Variants in PIP4K2A observed in about 807,000 individuals in gnomAD.
PIP4K2A encodes the protein phosphatidylinositol 5-phosphate 4-kinase type-2 alpha.
Under a neutral mutation model 42.9 loss-of-function variants are expected in PIP4K2A, and 14 were observed. That is an observed-to-expected ratio of 0.33 (90% CI 0.22 to 0.51). The LOEUF (loss-of-function observed/expected upper bound fraction) is 0.51, where lower values mean the gene tolerates loss of function less well. Ranked by LOEUF, PIP4K2A falls within the 20% of genes least tolerant of loss-of-function variation. The pLI, the probability that PIP4K2A is intolerant of heterozygous loss-of-function variation, is 0.97. For missense variants in PIP4K2A, 434 were observed against 519.8 expected (o/e 0.83, Z 1.61); for synonymous variants, 192 against 192.2 (o/e 1.00, Z 0.01).
intron 3 of PIP4K2A, among the ~76,000 whole-genome samples, chr10:22,595,632 C>T (rs1285687535): frequency 6.6e-6 from 1 of 152,052 alleles, no homozygotes; most frequent in Non-Finnish European, 1.5e-5. Context: ...TGGTGCATGC[C>T]TGTAATTCCA....
intron 4 of PIP4K2A, among the ~76,000 whole-genome samples, chr10:22,584,776 C>T (rs773069796): frequency 1.2e-4 from 18 of 152,338 alleles, no homozygotes; most frequent in Admixed American, 5.2e-4. Context: ...AGAGGGTCTA[C>T]TGGGAGCTTG....
chr10:22,575,856 T>C (rs1030402877), intron 4 of PIP4K2A, among the ~76,000 whole-genome samples: 3 of 151,562 alleles, frequency 2.0e-5, no homozygotes, highest in African/African-American at 7.3e-5. Flanking sequence ...AAGAACTACT[T>C]GAACCCAGGA....
chr10:22,643,067 C>T (rs908328723), intron 1 of PIP4K2A, among the ~76,000 whole-genome samples: 1 of 152,098 alleles, frequency 6.6e-6, no homozygotes, highest in East Asian at 1.9e-4. Context: ...GTGGAAACAC[C>T]TAGTTCTCCC....
chr10:22,548,011 C>T (rs1382254744), intron 7 of PIP4K2A, among the ~76,000 whole-genome samples: 2 of 152,156 alleles, frequency 1.3e-5, no homozygotes, highest in African/African-American at 4.8e-5. Flanking sequence ...TAAGGAAAAA[C>T]AGCAACAACA....
chr10:22,686,036 T>C lies in PIP4K2A; in HGVS notation c.144+28147A>G, dbSNP rs571579502. ...CTTAAGTGAGGCAGGGATCGAGTAATACTGGGCGTGTCAAGATTGCTGCAA... is the reference window on the plus strand; with the variant it reads ...CTTAAGTGAGGCAGGGATCGAGTAACACTGGGCGTGTCAAGATTGCTGCAA... On this transcript the variant is annotated intron_variant, in intron 1 of 9. Transcript: ENST00000376573. Among the ~76,000 whole-genome samples, 8 of 152,316 alleles carry C rather than the reference T, an allele frequency of 5.3e-5. No homozygotes were observed. The South Asian group carries it at 8.3e-4, about 16-fold the overall frequency.
intron 1 of PIP4K2A, among the ~76,000 whole-genome samples, chr10:22,683,584 G>A (rs928948460): frequency 2.6e-5 from 4 of 152,140 alleles, no homozygotes; most frequent in South Asian, 2.1e-4. Flanking sequence ...GTCAACTGTC[G>A]AAAACAAGTT....
rs12240555 is a variant in PIP4K2A at position 22,556,254 on chromosome 10, G to A, written c.679-5482C>T. The stretch of plus-strand genomic sequence containing the variant: ...CATCGAAGGTGACATGGCCCGAGGC[G>A]CCAACCTCCCTGTCGTGGCGGCTCT... On this transcript the variant is annotated intron_variant, in intron 6 of 9. Transcript: ENST00000376573. Among the ~76,000 whole-genome samples, 566 of 152,114 alleles carry A rather than the reference G, an allele frequency of 3.7e-3. 2 individuals are homozygous for A. Among genetic ancestry groups the A allele is most frequent in the African/African-American group, 0.013 (556 of 41,486 alleles).
chr10:22,650,881 T>C (rs771759833), intron 1 of PIP4K2A, among the ~76,000 whole-genome samples: 1 of 152,072 alleles, frequency 6.6e-6, no homozygotes, highest in African/African-American at 2.4e-5. Flanking sequence ...GTTCCTGCTC[T>C]AGCCTGCTTC....
Position 22,595,332 on chromosome 10 carries a change from G to A in PIP4K2A, c.340-3551C>T, listed in dbSNP as rs77051861. Among the ~76,000 whole-genome samples the A allele has an allele frequency of 6.6e-3, 1,011 of 152,322 alleles. 7 individuals carry two copies. The highest frequency in any genetic ancestry group is 8.5e-3 in the Non-Finnish European group (579 of 68,032). ...TTTCTATGAACTAACCAAAAAGGGC[G>A]ATTTACAAAGATAAGACTAAACTTC... On this transcript the variant is annotated intron_variant, in intron 3 of 9. Coordinates refer to ENST00000376573, the MANE Select transcript of PIP4K2A (RefSeq NM_005028.5).
chr10:22,596,127 C>G (rs1391690465), intron 3 of PIP4K2A, among the ~76,000 whole-genome samples: 1 of 138,632 alleles, frequency 7.2e-6, no homozygotes, highest in East Asian at 2.1e-4. Context: ...ATCGCTTGAA[C>G]CTGGGAGGCG....
chr10:22,566,540 C>A (rs564432764), intron 6 of PIP4K2A, among the ~76,000 whole-genome samples: 1 of 152,272 alleles, frequency 6.6e-6, no homozygotes, highest in South Asian at 2.1e-4. Flanking sequence ...CCAAATCTCT[C>A]TGTAATTCAT....
chr10:22,633,577 G>C (rs527732675), intron 1 of PIP4K2A, among the ~76,000 whole-genome samples: 1 of 152,246 alleles, frequency 6.6e-6, no homozygotes, highest in African/African-American at 2.4e-5. Context: ...CAGGAGCAAA[G>C]GGTACAGGCA....
At chr10:22,624,561 TA>T (rs58081159) in intron 1 of PIP4K2A, among the ~76,000 whole-genome samples, 2 of 151,984 alleles carry the variant, frequency 1.3e-5, no homozygotes, top group African/African-American at 4.8e-5. Context: ...GCAAGCACTT[TA>T]AAAAAAAGTT....
intron 1 of PIP4K2A, chr10:22,691,798 C>A (rs1204389687): frequency 6.6e-6 from 1 of 152,142 alleles, no homozygotes; most frequent in Non-Finnish European, 1.5e-5. Flanking sequence ...AAAAATAAGC[C>A]TTCTTAAAAA....
intron 2 of PIP4K2A, among the ~76,000 whole-genome samples, chr10:22,609,323 T>C (rs1216986716): frequency 6.6e-6 from 1 of 152,250 alleles, no homozygotes; most frequent in Non-Finnish European, 1.5e-5. Flanking sequence ...CAGAGGTTCA[T>C]AACTGCTCAA....
intron 1 of PIP4K2A, among the ~76,000 whole-genome samples, chr10:22,657,984 T>C (rs1307728929): frequency 5.3e-5 from 8 of 152,208 alleles, no homozygotes; most frequent in African/African-American, 1.9e-4. Flanking sequence ...CTAGAAACCC[T>C]ACTGAGATCA....
intron 4 of PIP4K2A, among the ~76,000 whole-genome samples, chr10:22,580,504 A>G (rs896140387): frequency 1.3e-5 from 2 of 151,914 alleles, no homozygotes; most frequent in South Asian, 4.1e-4. Context: ...AAATAAAAGA[A>G]AGACAGTGAG....
intron 4 of PIP4K2A, among the ~76,000 whole-genome samples, chr10:22,583,441 A>G (rs1837323070): frequency 6.6e-6 from 1 of 152,160 alleles, no homozygotes; most frequent in South Asian, 2.1e-4. Context: ...ACCGGAGAGC[A>G]GGTGTGCCCA....
chr10:22,602,302 A>G lies in PIP4K2A; in HGVS notation c.339+5625T>C, dbSNP rs12256066. Among the ~76,000 whole-genome samples the G allele has an allele frequency of 8.5e-3, 1,283 of 151,656 alleles. 15 individuals carry two copies. Among genetic ancestry groups the G allele is most frequent in the African/African-American group, 0.029 (1,200 of 41,342 alleles). ...CAGGTACTCAGGGGGCTGAAGTGGC[A>G]GGATCGATTGAGCCCAGGAGTTGGG... is the stretch of plus-strand genomic sequence containing the variant. On this transcript the variant is annotated intron_variant, in intron 3 of 9. Coordinates refer to ENST00000376573, the MANE Select transcript of PIP4K2A (RefSeq NM_005028.5).
Sources: allele counts gnomAD v4.1 joint callset (sites outside exome capture counted in the v4.1 genomes callset), GRCh38; gene constraint gnomAD v4.1.1; transcripts MANE v1.5; gene names NCBI Gene and HGNC (gene_info 2026-07-23, HGNC 2026-07-21).